LYST: variants seen among roughly 807,000 people sequenced by gnomAD.
LYST encodes lysosomal trafficking regulator.
A neutral mutation model predicts 413.6 loss-of-function variants in LYST; 192 were observed. The ratio of observed to expected loss-of-function variants is 0.46; its 90% CI spans 0.41 to 0.52. The LOEUF is 0.52. LYST is among the 20% of genes least tolerant of loss of function. The pLI is 0.00. For synonymous variants in LYST, 1,525 were observed against 1,567.3 expected, an observed-to-expected ratio of 0.97 and a Z score of 0.64; for missense variants, 3,815 against 4,499.9, an observed-to-expected ratio of 0.85 and a Z score of 4.35.
chr1:235,864,377 T>C (rs1395461491), intron 1 of LYST, among the ~76,000 whole-genome samples: 3 of 152,192 alleles, frequency 2.0e-5, no homozygotes, highest in Non-Finnish European at 4.4e-5. Context: ...CTCGTAAACC[T>C]AATCTCAGTA....
In LYST at chr1:235,801,810, C is replaced by A. The variant is rs1572306124; in HGVS notation, c.3713-713G>T. Reference sequence around the variant, plus strand: ...AAGCACCAGTCATGGGTCCATCAAGCCCTTTAAGTAAGATATCAGTGATTA... The same window carrying A: ...AAGCACCAGTCATGGGTCCATCAAGACCTTTAAGTAAGATATCAGTGATTA... On this transcript the variant is annotated intron_variant, in intron 8 of 52. Transcript: ENST00000389793. Among the ~76,000 whole-genome samples, 3 of 152,160 alleles carry A rather than the reference C, an allele frequency of 2.0e-5. No homozygotes were observed. In the Middle Eastern group the frequency reaches 0.01, roughly 518 times the overall value.
chr1:235,693,180 G>A (rs1295425786), intron 47 of LYST, among the ~76,000 whole-genome samples, 170 bp downstream of exon 47: 7 of 152,154 alleles, frequency 4.6e-5, no homozygotes, highest in Admixed American at 6.5e-5. Context: ...AGCTGGGCGT[G>A]GTGGCAGGTG....
rs866163204 is a variant in LYST, at chr1:235,752,139, C to T, written c.7493G>A (p.Cys2498Tyr). Residue 2498 changes from cysteine to tyrosine, a missense_variant, in exon 27 of 53, where the codon TGT (cysteine) becomes TAT (tyrosine). This residue lies in a region of LYST where 771 missense variants were observed against 837.1 expected (regional missense o/e 0.92). Transcript: ENST00000389793. The stretch of plus-strand genomic sequence containing the variant: ...TGCTATGAAAAGTTGCTGTATATCA[C>T]AAGCAAGCAATTTATATTCACTCAT... ...IPMSEYKLLA[C>Y]DIQQLFIAVT... is the part of the protein sequence containing the mutation. 2 of 1,611,224 alleles carry T rather than the reference C, an allele frequency of 1.2e-6. No homozygotes were observed. The highest frequency in any genetic ancestry group is 4.5e-5 in the East Asian group (2 of 44,754).
intron 11 of LYST, 132 bp from the exon 12 acceptor site, chr1:235,792,257 A>G (rs1671083212): frequency 1.6e-6 from 1 of 637,574 alleles, no homozygotes; most frequent in African/African-American, 1.8e-5. Flanking sequence ...ATACCTTCCT[A>G]TCTCCCACAT....
intron 50 of LYST, among the ~76,000 whole-genome samples, chr1:235,667,692 AGTCTCGCTCTGTTGCC>A (rs1185141184): frequency 6.6e-6 from 1 of 150,914 alleles, no homozygotes; most frequent in African/African-American, 2.4e-5. Flanking sequence ...TTTGAGATGG[AGTCTCGCTCTGTTGCC>A]CAGACTGGAG....
At position 235,724,295 on chromosome 1, in the gene LYST, G is replaced by A. The variant is rs2103177423; in HGVS notation, c.9163-115C>T. The A allele has an allele frequency of 4.6e-6, 4 of 860,650 alleles. No homozygotes were observed. The East Asian group carries it at 8.0e-5, about 17-fold the overall frequency. 53.3% of individuals were successfully genotyped at this position (860,650 alleles called of 1,614,324 possible). A position where few individuals can be genotyped will look rare whatever the true frequency, so the allele number is the denominator to read the frequency against. On this transcript the variant is annotated intron_variant, in intron 38 of 52. Transcript: ENST00000389793. ...ACAGAAAATCTTTTTGTGGCAGATG[G>A]CAGATAAGATTACCTGAAAACTCTC...
At chr1:235,799,878 G>A (rs1012623238) in intron 10 of LYST, among the ~76,000 whole-genome samples, 1 of 130,292 alleles carries the variant, frequency 7.7e-6, no homozygotes. Context: ...ACGAGATAAT[G>A]CATATAAAGA....
At chr1:235,802,840 A>G (rs1672395556) in intron 8 of LYST, 68 bp downstream of exon 8, 2 of 1,451,998 alleles carry the variant, frequency 1.4e-6, no homozygotes, top group Non-Finnish European at 9.6e-7. Context: ...TGGTATTATT[A>G]TGAACCATTT....
intron 1 of LYST, among the ~76,000 whole-genome samples, chr1:235,835,101 G>GGT (rs375802525): frequency 0.15 from 9,142 of 60,602 alleles, 942 homozygotes; most frequent in African/African-American, 0.52. Context: ...TATTTTTAAT[G>GGT]GGGGGGGGTT....
At chr1:235,876,865 G>A (rs183272516) in intron 1 of LYST, among the ~76,000 whole-genome samples, 8 of 152,316 alleles carry the variant, frequency 5.3e-5, no homozygotes, top group Non-Finnish European at 1.2e-4. Context: ...GATGGTACGA[G>A]TTATACGGGT....
intron 14 of LYST, among the ~76,000 whole-genome samples, chr1:235,782,419 C>A (rs184623453): frequency 1.3e-5 from 2 of 151,880 alleles, no homozygotes; most frequent in Admixed American, 6.6e-5. Flanking sequence ...ATGATCCACC[C>A]GCCTTGGCCT....
rs1660828652 is a variant in LYST at position 235,693,329 on chromosome 1, A to T, written c.10701+21T>A. On this transcript the variant is annotated intron_variant, in intron 47 of 52. Transcript: ENST00000389793. The stretch of plus-strand genomic sequence containing the variant: ...GACTCCGTCTTAAAAATAAATAAAT[A>T]AAATAAAATAAAGTGTTTACCTGGT... The T allele has an allele frequency of 1.9e-6, 3 of 1,555,230 alleles. No individual in the cohort carries two copies. In the African/African-American group the frequency reaches 4.1e-5, roughly 21 times the overall value.
intron 45 of LYST, 29 bp from the exon 46 acceptor site, chr1:235,697,301 C>A: frequency 6.4e-7 from 1 of 1,556,474 alleles, no homozygotes; most frequent in South Asian, 1.1e-5. Context: ...AAAAGTATGG[C>A]TTTTTAAAAG....
In LYST at chr1:235,809,576, A is replaced by G; in HGVS notation, c.1242T>C (p.Cys414=). 2 of 1,614,100 alleles carry G rather than the reference A, an allele frequency of 1.2e-6. No homozygotes were observed. The highest frequency in any genetic ancestry group is 1.7e-6 in the Non-Finnish European group (2 of 1,179,968). The change falls in exon 5 of 53, where the codon TGT becomes TGC. Residue 414 remains cysteine (C), a synonymous_variant. Coordinates refer to ENST00000389793, the MANE Select transcript of LYST (RefSeq NM_000081.4). This position sits in a 1 kb window ranked among gnomAD's most constrained non-coding sequence, Gnocchi z 4.0. Reference sequence around the variant, plus strand: ...GATTTGAAGCTGCACTTTGAAGACAACAGATCAGAATCTGAAGAACTCCTT... The same window carrying G: ...GATTTGAAGCTGCACTTTGAAGACAGCAGATCAGAATCTGAAGAACTCCTT... ...LLEGVLQILI[C]CLQSAASNPF...
rs1660195638 is a variant in LYST at position 235,686,036 on chromosome 1, C to T, written c.10800+913G>A. On this transcript the variant is annotated intron_variant, in intron 48 of 52. Coordinates refer to ENST00000389793, the MANE Select transcript of LYST (RefSeq NM_000081.4). The surrounding 1 kb of genome is among the most constrained non-coding windows in gnomAD (Gnocchi z 4.0). ...TACTGAGTTATCAACCTAAACTTGACACATATCCTCAACTGCACCACAGGC... is the reference window on the plus strand; with the variant it reads ...TACTGAGTTATCAACCTAAACTTGATACATATCCTCAACTGCACCACAGGC... 6.6e-6 allele frequency among the ~76,000 whole-genome samples: 1 copy of T among 152,076 alleles called. No homozygotes were observed. The highest frequency in any genetic ancestry group is 1.5e-5 in the Non-Finnish European group (1 of 68,008).
chr1:235,865,830 T>C (rs1680441621), intron 1 of LYST, among the ~76,000 whole-genome samples: 1 of 152,248 alleles, frequency 6.6e-6, no homozygotes, highest in African/African-American at 2.4e-5. Flanking sequence ...GTTTGTCCTA[T>C]CAATCTGTTA....
In LYST at chr1:235,757,401, C is replaced by A; in HGVS notation, c.6939G>T (p.Gly2313=). ...AAACATCAGGCAGGATAAGAAGAAC[C>A]CCACTTAGGAGTTCATATAATCCAC... ...ICCGLYELLS[G]VLLILPDVLL... Residue 2313 remains glycine (G), a synonymous_variant, in exon 24 of 53, where the codon GGG becomes GGT. Coordinates refer to ENST00000389793, the MANE Select transcript of LYST (RefSeq NM_000081.4). The A allele has an allele frequency of 1.2e-6, 2 of 1,613,224 alleles. No individual in the cohort carries two copies. Among genetic ancestry groups the A allele is most frequent in the East Asian group, 2.2e-5 (1 of 44,812 alleles).
rs1450462176 is a variant in LYST at position 235,810,443 on chromosome 1, T to G, written c.375A>C (p.Glu125Asp). The G allele has an allele frequency of 6.2e-7, 1 of 1,610,198 alleles. No homozygotes were observed. Among genetic ancestry groups the G allele is most frequent in the South Asian group, 1.1e-5 (1 of 90,158 alleles). The change falls in exon 5 of 53, where the codon GAA (glutamate) becomes GAC (aspartate). Residue 125 changes from glutamate (E) to aspartate (D), a missense_variant. This residue lies in a region of LYST where 1,648 missense variants were observed against 1,810.3 expected (regional missense o/e 0.91). Coordinates refer to ENST00000389793, the MANE Select transcript of LYST (RefSeq NM_000081.4). ...AAACCTGACTAGACAGGGCACTTCC[T>G]TCTAAATGTAATTTTTCCTGAGTGG... ...QRSTQEKLHL[E>D]GSALSSQVSA...
Position 235,728,085 on chromosome 1 carries a change from A to G in LYST, c.9153T>C (p.Val3051=). 6.2e-7 allele frequency: 1 copy of G among 1,612,066 alleles called. No individual in the cohort carries two copies. Among genetic ancestry groups the G allele is most frequent in the Admixed American group, 1.7e-5 (1 of 60,018 alleles). Residue 3051 remains valine, a synonymous_variant, in exon 38 of 53, where the codon GTT becomes GTC. Transcript: ENST00000389793. The stretch of plus-strand genomic sequence containing the variant: ...TTAAGCCTCTACTCACCGAACTTTC[A>G]ACTGTATCAGAAGCATTATCTTCCA... ...YFVEDNASDT[V]ESSSLQGELE...
Sources: allele counts gnomAD v4.1 joint callset (sites outside exome capture counted in the v4.1 genomes callset), GRCh38; gene constraint gnomAD v4.1.1; regional missense constraint gnomAD v4.1.1; non-coding constraint Gnocchi (gnomAD v3.1); transcripts MANE v1.5; gene names NCBI Gene and HGNC (gene_info 2026-07-23, HGNC 2026-07-21).